GRIA1: variants seen among roughly 807,000 people sequenced by gnomAD.
GRIA1 encodes glutamate ionotropic receptor AMPA type subunit 1.
GRIA1 carries 31 observed loss-of-function variants against 99.2 expected under a neutral mutation model. The ratio of observed to expected loss-of-function variants is 0.31; its 90% confidence interval spans 0.23 to 0.42. GRIA1 has a LOEUF of 0.42. Among genes scored for constraint, GRIA1 ranks in the 10% least tolerant of loss-of-function variants. The probability of loss-of-function intolerance (pLI) is 1.00; values close to 1 mark genes in which losing one functional copy is unlikely to be tolerated. For synonymous variants in GRIA1, 438 were observed against 432.4 expected, an observed-to-expected ratio of 1.01 and a Z score of -0.16; for missense variants, 782 against 1,157.5, an observed-to-expected ratio of 0.68 and a Z score of 4.71.
intron 5 of GRIA1, among the ~76,000 whole-genome samples, chr5:153,661,947 G>A (rs527796683): frequency 6.6e-6 from 1 of 152,150 alleles, no homozygotes; most frequent in African/African-American, 2.4e-5. Context: ...TGATGGAAAA[G>A]TCCTACCTCT....
intron 7 of GRIA1, among the ~76,000 whole-genome samples, chr5:153,680,375 A>G (rs573210701): frequency 2.6e-5 from 4 of 152,208 alleles, no homozygotes; most frequent in African/African-American, 9.6e-5. Context: ...AAGGATGCTC[A>G]TATGTCGCCT....
At chr5:153,548,230 T>G (rs1759787550) in intron 2 of GRIA1, among the ~76,000 whole-genome samples, 2 of 152,166 alleles carry the variant, frequency 1.3e-5, no homozygotes, top group Admixed American at 1.3e-4. Context: ...GCTCATGTCC[T>G]GGAAAGAGAG....
chr5:153,804,878 A>C (rs1182333315), intron 15 of GRIA1, among the ~76,000 whole-genome samples: 2 of 151,970 alleles, frequency 1.3e-5, no homozygotes, highest in African/African-American at 2.4e-5. Flanking sequence ...CACCCTCCCG[A>C]GTAGCTGGGA....
intron 2 of GRIA1, among the ~76,000 whole-genome samples, chr5:153,575,601 C>T (rs566367057): frequency 2.0e-5 from 3 of 152,170 alleles, no homozygotes; most frequent in Non-Finnish European, 4.4e-5. Flanking sequence ...GGGAACAGGG[C>T]TTTCCCAGAG....
intron 2 of GRIA1, among the ~76,000 whole-genome samples, chr5:153,564,746 C>T (rs954839439): frequency 4.0e-4 from 60 of 151,646 alleles, no homozygotes; most frequent in African/African-American, 1.4e-3. Context: ...AGGATGAAGA[C>T]AGAGAGAGAG....
chr5:153,714,343 T>C (rs1759522797), intron 11 of GRIA1, among the ~76,000 whole-genome samples: 1 of 152,182 alleles, frequency 6.6e-6, no homozygotes, highest in Non-Finnish European at 1.5e-5. Flanking sequence ...ATATCGTATT[T>C]ATATATACAT....
intron 2 of GRIA1, among the ~76,000 whole-genome samples, chr5:153,625,534 A>G (rs998767883): frequency 2.0e-5 from 3 of 152,174 alleles, no homozygotes; most frequent in Admixed American, 2.0e-4. Context: ...ATACCACGGC[A>G]CTCACGGGCA....
chr5:153,685,431 TC>T (rs1400336802), intron 7 of GRIA1, among the ~76,000 whole-genome samples: 18 of 152,250 alleles, frequency 1.2e-4, no homozygotes, highest in Non-Finnish European at 2.4e-4. Flanking sequence ...TGGAGAAGTC[TC>T]ATGCGGCATA....
intron 5 of GRIA1, among the ~76,000 whole-genome samples, chr5:153,672,817 G>T (rs1756288989): frequency 6.6e-6 from 1 of 152,076 alleles, no homozygotes; most frequent in South Asian, 2.1e-4. Context: ...TTCATTCATT[G>T]GAATTTGGTG....
intron 2 of GRIA1, among the ~76,000 whole-genome samples, chr5:153,500,343 C>G (rs576771813): frequency 2.6e-5 from 4 of 152,238 alleles, no homozygotes; most frequent in East Asian, 3.9e-4. Flanking sequence ...GTCACTGCCC[C>G]ACTCCATACC....
At chr5:153,602,686 T>C (rs953953782) in intron 2 of GRIA1, among the ~76,000 whole-genome samples, 1 of 152,166 alleles carries the variant, frequency 6.6e-6, no homozygotes, top group Non-Finnish European at 1.5e-5. Context: ...CGTTGCTAGC[T>C]AGTTGCCACT....
intron 5 of GRIA1, among the ~76,000 whole-genome samples, chr5:153,668,664 C>T (rs939072214): frequency 1.8e-4 from 28 of 152,132 alleles, no homozygotes; most frequent in African/African-American, 6.3e-4. Flanking sequence ...AGTTTGCTGA[C>T]CCCTTGCATA....
At chr5:153,781,934 C>A (rs1462706765) in intron 13 of GRIA1, among the ~76,000 whole-genome samples, 1 of 152,122 alleles carries the variant, frequency 6.6e-6, no homozygotes, top group Non-Finnish European at 1.5e-5. Flanking sequence ...CTCAAACACC[C>A]CAGGGCCAGG....
At chr5:153,491,106 G>A (rs1753872542) in intron 1 of GRIA1, 136 bp downstream of exon 1, 3 of 1,044,062 alleles carry the variant, frequency 2.9e-6, no homozygotes, top group African/African-American at 3.2e-5. Context: ...GTAACAGAAG[G>A]GAGACTTGGG....
At chr5:153,769,384 G>A (rs1208717524) in intron 12 of GRIA1, among the ~76,000 whole-genome samples, 5 of 152,036 alleles carry the variant, frequency 3.3e-5, no homozygotes, top group Non-Finnish European at 7.4e-5. Flanking sequence ...AAAAACCATT[G>A]CCTTTGGAAC....
intron 11 of GRIA1, among the ~76,000 whole-genome samples, chr5:153,747,517 GATAA>G (rs971932175): frequency 8.5e-5 from 13 of 152,338 alleles, no homozygotes; most frequent in Non-Finnish European, 1.8e-4. Context: ...ATGGGAATTA[GATAA>G]ATGTCAAGTG....
chr5:153,550,154 A>T (rs949793607), intron 2 of GRIA1, among the ~76,000 whole-genome samples: 1 of 151,092 alleles, frequency 6.6e-6, no homozygotes, highest in Non-Finnish European at 1.5e-5. Context: ...CAGGTGTTTT[A>T]TTTTTTTTTC....
chr5:153,743,804 C>T (rs1761973298), intron 11 of GRIA1, among the ~76,000 whole-genome samples: 1 of 152,172 alleles, frequency 6.6e-6, no homozygotes, highest in Non-Finnish European at 1.5e-5. Flanking sequence ...ATAATCATAG[C>T]AGTAACACCA....
intron 2 of GRIA1, among the ~76,000 whole-genome samples, chr5:153,613,904 C>T (rs1349126046): frequency 1.3e-5 from 2 of 152,166 alleles, no homozygotes; most frequent in Admixed American, 6.5e-5. Flanking sequence ...AGCCCTTGCA[C>T]GCCCTGGACC....
Sources: allele counts gnomAD v4.1 joint callset (sites outside exome capture counted in the v4.1 genomes callset), GRCh38; gene constraint gnomAD v4.1.1; transcripts MANE v1.5; gene names NCBI Gene and HGNC (gene_info 2026-07-23, HGNC 2026-07-21).